The following DIS3L2 variants were observed in gnomAD, a reference collection of about 807,000 sequenced individuals.
DIS3L2 encodes the protein DIS3-like exonuclease 2.
In DIS3L2, 34 loss-of-function variants were observed where a neutral mutation model predicts 97.5. The observed-to-expected ratio is 0.35, with a 90% confidence interval of 0.27 to 0.46. The LOEUF (loss-of-function observed/expected upper bound fraction) is 0.46. DIS3L2 is among the 20% of genes least tolerant of loss of function. The pLI, the probability that DIS3L2 is intolerant of heterozygous loss-of-function variation, is 1.00. For synonymous variants in DIS3L2, 435 were observed against 445.2 expected, an observed-to-expected ratio of 0.98 and a Z score of 0.29; for missense variants, 1,038 against 1,146.0, an observed-to-expected ratio of 0.91 and a Z score of 1.36.
intron 8 of DIS3L2, among the ~76,000 whole-genome samples, chr2:232,159,156 G>T (rs923158576): frequency 7.2e-5 from 11 of 152,210 alleles, no homozygotes; most frequent in African/African-American, 1.7e-4. Context: ...ATACTGAAGA[G>T]CTCACTGAGC....
chr2:232,097,040 G>A (rs556012582), intron 6 of DIS3L2, among the ~76,000 whole-genome samples: 1 of 152,242 alleles, frequency 6.6e-6, no homozygotes, highest in South Asian at 2.1e-4. Flanking sequence ...CGTGGTCTAG[G>A]CCTATTGCAT....
chr2:232,277,629 A>C (rs1012464622), intron 13 of DIS3L2, among the ~76,000 whole-genome samples: 1 of 152,314 alleles, frequency 6.6e-6, no homozygotes, highest in South Asian at 2.1e-4. Flanking sequence ...ACATTTTTCT[A>C]TATATCCTAA....
intron 11 of DIS3L2, among the ~76,000 whole-genome samples, chr2:232,244,591 CGTT>C (rs1244640832): frequency 1.3e-5 from 2 of 152,170 alleles, no homozygotes; most frequent in Non-Finnish European, 2.9e-5. Context: ...GGAAGACACT[CGTT>C]GTGAGATGGC....
chr2:232,261,947 A>C (rs1328966815), intron 12 of DIS3L2, among the ~76,000 whole-genome samples: 1 of 152,166 alleles, frequency 6.6e-6, no homozygotes. Context: ...TTGTTATGAG[A>C]ATTAAATAGT....
intron 5 of DIS3L2, among the ~76,000 whole-genome samples, chr2:232,063,534 T>C (rs1559588207): frequency 1.3e-5 from 2 of 151,632 alleles, no homozygotes; most frequent in Admixed American, 6.6e-5. Context: ...ACCTGTCTAC[T>C]TTCTGTTCTG....
intron 9 of DIS3L2, among the ~76,000 whole-genome samples, chr2:232,183,205 C>G (rs1164540260): frequency 1.3e-5 from 2 of 152,198 alleles, no homozygotes; most frequent in East Asian, 3.8e-4. Flanking sequence ...ACTTTCCACT[C>G]TCCAAAACTG....
intron 10 of DIS3L2, among the ~76,000 whole-genome samples, chr2:232,235,900 C>T (rs1692918294): frequency 6.6e-6 from 1 of 152,232 alleles, no homozygotes. Flanking sequence ...CCCAGCGACA[C>T]AGCTGCGTGC....
chr2:232,299,622 AT>A (rs11295697), intron 13 of DIS3L2, among the ~76,000 whole-genome samples: 4,327 of 152,090 alleles, frequency 0.028, 136 homozygotes, highest in African/African-American at 0.07. Context: ...AAACATGGGG[AT>A]TTTTTTCTTG....
chr2:232,233,477 GATTGA>G (rs1186356802), intron 10 of DIS3L2, among the ~76,000 whole-genome samples: 2 of 152,236 alleles, frequency 1.3e-5, no homozygotes, highest in African/African-American at 2.4e-5. Context: ...TCACATTGGG[GATTGA>G]ATTTCAACCT....
At chr2:232,048,166 A>G (rs1695294585) in intron 5 of DIS3L2, among the ~76,000 whole-genome samples, 1 of 152,194 alleles carries the variant, frequency 6.6e-6, no homozygotes, top group African/African-American at 2.4e-5. Context: ...ACTGTCCCCA[A>G]ACTTTTCTGA....
chr2:232,086,957 A>G (rs1034455772), intron 5 of DIS3L2, among the ~76,000 whole-genome samples: 2 of 151,986 alleles, frequency 1.3e-5, no homozygotes, highest in Non-Finnish European at 2.9e-5. Flanking sequence ...CTGGGATTAC[A>G]GGCTTGAGCC....
chr2:232,076,852 C>A lies in DIS3L2; in HGVS notation c.367-10635C>A, dbSNP rs115418130. ...TGCCAGCTTTTTAGATTACATCTTCCTTAGCTATTTCCCACTCCCAGTATT... is the reference window on the plus strand; with the variant it reads ...TGCCAGCTTTTTAGATTACATCTTCATTAGCTATTTCCCACTCCCAGTATT... On this transcript the variant is annotated intron_variant, in intron 5 of 20. Coordinates refer to ENST00000325385, the MANE Select transcript of DIS3L2 (RefSeq NM_152383.5). Among the ~76,000 whole-genome samples, 489 of 152,224 alleles carry A rather than the reference C, an allele frequency of 3.2e-3. 5 individuals carry two copies. Among genetic ancestry groups the A allele is most frequent in the African/African-American group, 0.011 (439 of 41,528 alleles).
chr2:232,232,208 T>G (rs1574961206), intron 10 of DIS3L2, among the ~76,000 whole-genome samples: 7 of 146,006 alleles, frequency 4.8e-5, no homozygotes, highest in East Asian at 2.0e-4. Flanking sequence ...AGGGGAGGAG[T>G]GGAAGAAACA....
intron 5 of DIS3L2, among the ~76,000 whole-genome samples, chr2:232,035,923 G>T (rs1018930226): frequency 6.6e-6 from 1 of 152,094 alleles, no homozygotes; most frequent in African/African-American, 2.4e-5. Context: ...CTCTCTGGCT[G>T]CCCTTAACAT....
chr2:232,236,221 G>A (rs1386803287), intron 10 of DIS3L2, among the ~76,000 whole-genome samples: 1 of 152,074 alleles, frequency 6.6e-6, no homozygotes, highest in Non-Finnish European at 1.5e-5. Context: ...TAAAAACTGA[G>A]GGAAGAATTA....
chr2:232,105,452 A>G (rs184842546), intron 6 of DIS3L2, among the ~76,000 whole-genome samples: 3 of 152,298 alleles, frequency 2.0e-5, no homozygotes, highest in Admixed American at 2.0e-4. Flanking sequence ...TCTTTATTCA[A>G]ATATAACTGG....
chr2:232,230,512 C>T (rs1305603444), intron 10 of DIS3L2, among the ~76,000 whole-genome samples: 1 of 152,224 alleles, frequency 6.6e-6, no homozygotes, highest in Non-Finnish European at 1.5e-5. Flanking sequence ...TGACCCAAGC[C>T]AGAGCATTGT....
intron 15 of DIS3L2, among the ~76,000 whole-genome samples, chr2:232,330,240 G>A (rs1468487585): frequency 6.6e-6 from 1 of 152,260 alleles, no homozygotes; most frequent in Non-Finnish European, 1.5e-5. Context: ...CTAGCAGAGG[G>A]CAGGGGTCCT....
intron 10 of DIS3L2, among the ~76,000 whole-genome samples, chr2:232,220,879 G>T (rs1692484226): frequency 6.6e-6 from 1 of 151,872 alleles, no homozygotes; most frequent in South Asian, 2.1e-4. Context: ...GAGGCGGGTG[G>T]ATCACCTGAT....
Sources: allele counts gnomAD v4.1 joint callset (sites outside exome capture counted in the v4.1 genomes callset), GRCh38; gene constraint gnomAD v4.1.1; transcripts MANE v1.5; gene names NCBI Gene and HGNC (gene_info 2026-07-23, HGNC 2026-07-21).